The following CCDC175 variants were observed in gnomAD, a reference collection of about 807,000 sequenced individuals.
CCDC175 encodes the protein coiled-coil domain-containing protein 175.
CCDC175 carries 100 observed loss-of-function variants against 114.6 expected under a neutral mutation model. That is an observed-to-expected ratio of 0.87 (90% CI 0.74 to 1.03). The LOEUF (loss-of-function observed/expected upper bound fraction) is 1.03. Ranked by LOEUF, CCDC175 falls within the 50% of genes least tolerant of loss-of-function variation. The pLI is 0.00. For missense variants in CCDC175, 880 were observed against 917.8 expected (o/e 0.96, Z 0.53); for synonymous variants, 306 against 308.7 (o/e 0.99, Z 0.09).
chr14:59,538,083 T>C lies in CCDC175; in HGVS notation c.1563A>G (p.Glu521=), dbSNP rs1275106236. ...CTTTGTTAACAAATGCTTTCTCCTCTTCTTTTAATTCTGTTGTAAGTTTTT... is the reference window on the plus strand; with the variant it reads ...CTTTGTTAACAAATGCTTTCTCCTCCTCTTTTAATTCTGTTGTAAGTTTTT... The part of the protein sequence containing the change: ...QIEKLTTELK[E]EEKAFVNKEK... Residue 521 remains glutamate (E), a synonymous_variant, in exon 13 of 20, where the codon GAA becomes GAG. Transcript: ENST00000537690. 1 of 1,532,218 alleles carries C rather than the reference T, an allele frequency of 6.5e-7. No individual in the cohort carries two copies. Among genetic ancestry groups the C allele is most frequent in the African/African-American group, 1.4e-5 (1 of 72,970 alleles). 94.9% of individuals were successfully genotyped at this position (1,532,218 alleles called of 1,614,324 possible).
chr14:59,510,612 TC>T, intron 19 of CCDC175, 33 bp downstream of exon 19: 2 of 1,534,332 alleles, frequency 1.3e-6, no homozygotes, highest in South Asian at 2.4e-5. Context: ...TAGCAGGAAG[TC>T]CCATGTTACC....
At position 59,527,101 on chromosome 14, in the gene CCDC175, G is replaced by A. The variant is rs762823116; in HGVS notation, c.1836C>T (p.Ser612=). The A allele has an allele frequency of 2.1e-6, 3 of 1,434,776 alleles. No individual in the cohort carries two copies. The highest frequency in any genetic ancestry group is 2.8e-6 in the Non-Finnish European group (3 of 1,080,564). The allele number at this position is 1,434,776 out of a possible 1,614,324, so 88.9% of individuals were successfully genotyped here. Residue 612 remains serine, a synonymous_variant, in exon 15 of 20, where the codon AGC becomes AGT. Coordinates refer to ENST00000537690, the MANE Select transcript of CCDC175 (RefSeq NM_001164399.2). ...LFTRDFSRYI[S]NMEDVKQELQ... is the part of the protein sequence containing the mutation. ...TAATGCATTGATCTTTTACCATGTT[G>A]CTAATGTATCTTGAAAAGTCCCTTG...
Position 59,533,531 on chromosome 14 carries a change from C to T in CCDC175, c.1624-1621G>A, listed in dbSNP as rs76748207. Among the ~76,000 whole-genome samples, 1,117 of 152,216 alleles carry T rather than the reference C, an allele frequency of 7.3e-3. 14 individuals carry two copies. The highest frequency in any genetic ancestry group is 0.025 in the African/African-American group (1,053 of 41,536). On this transcript the variant is annotated intron_variant, in intron 13 of 19. Coordinates refer to ENST00000537690, the MANE Select transcript of CCDC175 (RefSeq NM_001164399.2). Reference sequence around the variant, plus strand: ...TTTTCTTGCACCTTAACTAATACACCGATATGCTGGCTGATATGTCTCCTC... The same window carrying T: ...TTTTCTTGCACCTTAACTAATACACTGATATGCTGGCTGATATGTCTCCTC...
chr14:59,557,058 C>T (rs1038428095), intron 7 of CCDC175, among the ~76,000 whole-genome samples: 10 of 152,152 alleles, frequency 6.6e-5, no homozygotes, highest in African/African-American at 9.7e-5. Context: ...GACAGTGTGG[C>T]GATTGCTCAG....
chr14:59,523,033 G>A (rs1032335766), intron 16 of CCDC175, among the ~76,000 whole-genome samples: 4 of 152,116 alleles, frequency 2.6e-5, no homozygotes, highest in African/African-American at 7.2e-5. Context: ...AGAGTCATTC[G>A]GTGACTAGCA....
At chr14:59,567,117 A>G (rs1896597965) in intron 4 of CCDC175, among the ~76,000 whole-genome samples, 1 of 152,226 alleles carries the variant, frequency 6.6e-6, no homozygotes, top group Admixed American at 6.5e-5. Context: ...GATGTTGCTG[A>G]CCGGTTGATA....
At chr14:59,554,598 T>C (rs1476072482) in intron 7 of CCDC175, among the ~76,000 whole-genome samples, 5 of 151,654 alleles carry the variant, frequency 3.3e-5, no homozygotes, top group African/African-American at 4.8e-5. Context: ...TAGCAGAAGG[T>C]GAGAAATAAC....
intron 1 of CCDC175, among the ~76,000 whole-genome samples, chr14:59,576,259 A>G (rs1897115020): frequency 6.6e-6 from 1 of 152,226 alleles, no homozygotes; most frequent in Admixed American, 6.5e-5. Flanking sequence ...GAGGAAGTTA[A>G]CTTGTAAAGG....
At chr14:59,551,144 A>T (rs1895448572) in intron 8 of CCDC175, 1 of 348,202 alleles carries the variant, frequency 2.9e-6, no homozygotes, top group African/African-American at 2.1e-5. Flanking sequence ...TTACCAAAAA[A>T]CAGTTCCTCT....
At chr14:59,518,528 A>G (rs1893239510) in intron 17 of CCDC175, among the ~76,000 whole-genome samples, 1 of 152,272 alleles carries the variant, frequency 6.6e-6, no homozygotes, top group South Asian at 2.1e-4. Flanking sequence ...GACATTTCTC[A>G]AAAGAAGACA....
rs778521100 is a variant in CCDC175, at chr14:59,531,891, G to A, written c.1643C>T (p.Thr548Ile). ...SKYEEIFVKE[T>I]QINKEKEEEL... The stretch of plus-strand genomic sequence containing the variant: ...TTCTTCCTTTTCTTTGTTAATTTGT[G>A]TTTCCTTAACAAATATTTCCTTTAA... Residue 548 changes from threonine (T) to isoleucine (I), a missense_variant, in exon 14 of 20, where the codon ACA (threonine) becomes ATA (isoleucine). Transcript: ENST00000537690. The A allele has an allele frequency of 1.3e-5, 16 of 1,225,446 alleles. No homozygotes were observed. The highest frequency in any genetic ancestry group is 1.7e-5 in the Non-Finnish European group (15 of 877,450). 75.9% of individuals were successfully genotyped at this position (1,225,446 alleles called of 1,614,324 possible).
intron 8 of CCDC175, among the ~76,000 whole-genome samples, chr14:59,548,711 C>A (rs550276911): frequency 1.2e-4 from 18 of 152,310 alleles, no homozygotes; most frequent in African/African-American, 4.3e-4. Flanking sequence ...AACAAACCAA[C>A]CTTGTCTGGT....
rs1258381707 is a variant in CCDC175 at position 59,525,328 on chromosome 14, T to C, written c.1949A>G (p.Asp650Gly). Reference protein sequence around the residue: ...KNLENGFYINDQKADLLLLEN... With the variant: ...KNLENGFYINGQKADLLLLEN... ...CAGGAGCAGAAGATCTGCTTTTTGG[T>C]CATTTATATAGAATCCATTTTCTAA... Residue 650 changes from aspartate (D) to glycine (G), a missense_variant, in exon 16 of 20, where the codon GAC (aspartate) becomes GGC (glycine). By Grantham distance (94) the Asp-to-Gly change is moderately conservative (BLOSUM62 -1). Transcript: ENST00000537690. 1.4e-6 allele frequency: 2 copies of C among 1,471,430 alleles called. No homozygotes were observed. The highest frequency in any genetic ancestry group is 1.8e-6 in the Non-Finnish European group (2 of 1,121,862). The allele number at this position is 1,471,430 out of a possible 1,614,324, so 91.1% of individuals were successfully genotyped here.
chr14:59,530,794 A>T (rs910047988), intron 14 of CCDC175, among the ~76,000 whole-genome samples: 1 of 152,154 alleles, frequency 6.6e-6, no homozygotes, highest in Non-Finnish European at 1.5e-5. Flanking sequence ...TCCTATCCCC[A>T]TATTTGTCTT....
chr14:59,516,024 C>T (rs907565106), intron 17 of CCDC175, among the ~76,000 whole-genome samples: 8 of 152,158 alleles, frequency 5.3e-5, no homozygotes, highest in Non-Finnish European at 7.3e-5. Context: ...CACTCAAAAT[C>T]GCTCAACTAC....
At chr14:59,570,814 T>C (rs1040379673) in intron 3 of CCDC175, among the ~76,000 whole-genome samples, 4 of 152,184 alleles carry the variant, frequency 2.6e-5, no homozygotes, top group African/African-American at 4.8e-5. Flanking sequence ...CAATCTTGGC[T>C]CACTGCAACC....
chr14:59,553,118 A>G (rs1265141025), intron 7 of CCDC175, among the ~76,000 whole-genome samples: 1 of 152,208 alleles, frequency 6.6e-6, no homozygotes, highest in African/African-American at 2.4e-5. Flanking sequence ...AGAGAACGCC[A>G]CAAAGATACT....
chr14:59,531,958 A>C (rs1348612157), intron 13 of CCDC175, 48 bp from the exon 14 acceptor site: 3 of 912,884 alleles, frequency 3.3e-6, no homozygotes, highest in African/African-American at 1.7e-5. Flanking sequence ...TGGATAATTC[A>C]CACAACAATT....
chr14:59,530,349 AGAGT>A (rs896407527), intron 14 of CCDC175, among the ~76,000 whole-genome samples: 16 of 151,726 alleles, frequency 1.1e-4, no homozygotes, highest in African/African-American at 3.9e-4. Flanking sequence ...CCTGGACAAC[AGAGT>A]GAGACTCCAT....
Sources: gnomAD v4.1 joint callset for allele counts (sites outside exome capture counted in the v4.1 genomes callset) on GRCh38, gnomAD v4.1.1 for gene constraint, MANE v1.5 for transcripts, NCBI Gene and HGNC (gene_info 2026-07-23, HGNC 2026-07-21) for gene names.